Variants in SLIT2 observed in about 807,000 individuals in gnomAD.
The protein encoded by SLIT2 is slit homolog 2 protein.
In SLIT2, 41 loss-of-function variants were observed where a neutral mutation model predicts 185.7. The observed-to-expected ratio is 0.22, with a 90% CI of 0.17 to 0.29. The LOEUF is 0.29. Ranked by LOEUF, SLIT2 falls within the 10% of genes least tolerant of loss-of-function variation. SLIT2 has a pLI of 1.00. For missense variants in SLIT2, 1,571 were observed against 1,909.0 expected (o/e 0.82, Z 3.30); for synonymous variants, 693 against 680.2 (o/e 1.02, Z -0.29).
chr4:20,438,793 C>T (rs1269348239), intron 4 of SLIT2, among the ~76,000 whole-genome samples: 2 of 152,306 alleles, frequency 1.3e-5, no homozygotes, highest in South Asian at 2.1e-4. Context: ...ACTGGCCATT[C>T]GTTCTGTCTA....
chr4:20,423,135 G>A (rs1728290202), intron 4 of SLIT2, among the ~76,000 whole-genome samples: 1 of 151,870 alleles, frequency 6.6e-6, no homozygotes. Flanking sequence ...GCATATACTA[G>A]ACCCAAATTT....
intron 4 of SLIT2, among the ~76,000 whole-genome samples, chr4:20,432,379 G>GA (rs1729061343): frequency 6.6e-6 from 1 of 152,142 alleles, no homozygotes; most frequent in South Asian, 2.1e-4. Flanking sequence ...AGTGAAGCAA[G>GA]AAAAATACTT....
At chr4:20,481,977 G>A (rs1271517448) in intron 6 of SLIT2, among the ~76,000 whole-genome samples, 27 of 151,900 alleles carry the variant, frequency 1.8e-4, no homozygotes, top group Admixed American at 1.6e-3. Flanking sequence ...AGTTTCTATC[G>A]GAAAAATATT....
intron 29 of SLIT2, among the ~76,000 whole-genome samples, chr4:20,579,170 C>T (rs573595117): frequency 1.6e-4 from 25 of 151,708 alleles, no homozygotes; most frequent in Admixed American, 1.4e-3. Context: ...CGTGGTGGTG[C>T]GTGCCTGTAA....
intron 26 of SLIT2, among the ~76,000 whole-genome samples, chr4:20,555,668 TG>T (rs1724193304): frequency 6.6e-6 from 1 of 152,086 alleles, no homozygotes; most frequent in African/African-American, 2.4e-5. Context: ...GTTTTTAATT[TG>T]GCCTCTAATC....
chr4:20,545,256 T>G (rs928080098), intron 21 of SLIT2, among the ~76,000 whole-genome samples: 1 of 152,034 alleles, frequency 6.6e-6, no homozygotes, highest in African/African-American at 2.4e-5. Flanking sequence ...ATTTGCACCC[T>G]TCACCATCTA....
chr4:20,485,013 G>T (rs903002570), intron 6 of SLIT2, among the ~76,000 whole-genome samples: 1 of 152,016 alleles, frequency 6.6e-6, no homozygotes, highest in Non-Finnish European at 1.5e-5. Context: ...TCAAATCCTT[G>T]TCCAGTATCA....
At chr4:20,374,889 A>T (rs560211276) in intron 4 of SLIT2, among the ~76,000 whole-genome samples, 1 of 152,108 alleles carries the variant, frequency 6.6e-6, no homozygotes, top group Admixed American at 6.6e-5. Flanking sequence ...TGATAACTCT[A>T]AAAACCACAA....
At chr4:20,499,877 A>G (rs561027766) in intron 9 of SLIT2, among the ~76,000 whole-genome samples, 142 of 152,334 alleles carry the variant, frequency 9.3e-4, no homozygotes, top group African/African-American at 3.2e-3. Flanking sequence ...TAAAATAATT[A>G]TAAGTACTCA....
chr4:20,463,491 A>G (rs28777705), intron 4 of SLIT2, among the ~76,000 whole-genome samples: 22,814 of 94,082 alleles, frequency 0.24, 3,074 homozygotes, highest in Admixed American at 0.27. Context: ...ATATATATAT[A>G]TGTGTGTGTG....
chr4:20,419,434 A>G (rs2109457884), intron 4 of SLIT2, among the ~76,000 whole-genome samples: 1 of 152,286 alleles, frequency 6.6e-6, no homozygotes, highest in South Asian at 2.1e-4. Context: ...GTGACAAGCC[A>G]CTCAGAGAAA....
intron 4 of SLIT2, among the ~76,000 whole-genome samples, chr4:20,367,978 A>G (rs1162083348): frequency 2.6e-5 from 4 of 152,056 alleles, no homozygotes; most frequent in Admixed American, 1.3e-4. Flanking sequence ...TTAGTTTCCA[A>G]AGAAAGACAG....
intron 4 of SLIT2, among the ~76,000 whole-genome samples, chr4:20,309,504 A>G (rs370703493): frequency 5.9e-5 from 9 of 151,922 alleles, no homozygotes; most frequent in Admixed American, 5.2e-4. Context: ...CTGTCTTCAA[A>G]TATGCTTAAA....
rs1295671867 is a variant in SLIT2, at chr4:20,578,942, TA to T, written c.3088+9941del. The stretch of plus-strand genomic sequence containing the variant: ...TTTTTGATAAGCAGGCTTTGAGGAC[TA>T]AATAAGCCTAGATGAGACATCCCAT... On this transcript the variant is annotated intron_variant, in intron 29 of 36. Coordinates refer to ENST00000504154, the MANE Select transcript of SLIT2 (RefSeq NM_004787.4). Among the ~76,000 whole-genome samples the T allele has an allele frequency of 8.5e-5, 13 of 152,264 alleles. No homozygotes were observed. The East Asian group carries it at 2.3e-3, about 27-fold the overall frequency.
At chr4:20,390,771 T>TA (rs200126868) in intron 4 of SLIT2, among the ~76,000 whole-genome samples, 27 of 127,824 alleles carry the variant, frequency 2.1e-4, no homozygotes, top group African/African-American at 5.6e-4. Context: ...TTTTTTTTTT[T>TA]AAAAAAAAAT....
chr4:20,363,849 GAATAA>G (rs1283934508), intron 4 of SLIT2, among the ~76,000 whole-genome samples: 11 of 152,124 alleles, frequency 7.2e-5, no homozygotes, highest in Non-Finnish European at 1.3e-4. Context: ...GGGCATTGTA[GAATAA>G]AATTTGTAAT....
At position 20,342,785 on chromosome 4, in the gene SLIT2, C is replaced by A. The variant is rs181990122; in HGVS notation, c.395+73904C>A. Among the ~76,000 whole-genome samples the A allele has an allele frequency of 3.5e-5, 4 of 114,670 alleles. No homozygotes were observed. In the South Asian group the frequency reaches 1.2e-3, roughly 34 times the overall value. The allele number at this position is 114,670 out of a possible 152,430, so 75.2% of individuals were successfully genotyped here. On this transcript the variant is annotated intron_variant, in intron 4 of 36. Transcript: ENST00000504154. ...AATGTCGGTCCATGTGCTGGAGATA[C>A]AGGCATAAGCAACAGCAGGGTTGAC...
chr4:20,546,854 A>G (rs1369681728), intron 22 of SLIT2, among the ~76,000 whole-genome samples: 1 of 152,120 alleles, frequency 6.6e-6, no homozygotes, highest in Non-Finnish European at 1.5e-5. Context: ...GTAATTGAGA[A>G]AACTTTTCAG....
intron 30 of SLIT2, among the ~76,000 whole-genome samples, chr4:20,595,309 C>T (rs1727885316): frequency 6.6e-6 from 1 of 151,798 alleles, no homozygotes; most frequent in African/African-American, 2.4e-5. Flanking sequence ...CAACATAGCA[C>T]TTTTATAATC....
Sources: gnomAD v4.1 joint callset for allele counts (sites outside exome capture counted in the v4.1 genomes callset) on GRCh38, gnomAD v4.1.1 for gene constraint, MANE v1.5 for transcripts, NCBI Gene and HGNC (gene_info 2026-07-23, HGNC 2026-07-21) for gene names.